Variants in PTPRR observed in about 807,000 individuals in gnomAD.
The protein encoded by PTPRR is receptor-type tyrosine-protein phosphatase R.
Under a neutral mutation model 77.2 loss-of-function variants are expected in PTPRR, and 38 were observed. The observed-to-expected ratio is 0.49, with a 90% confidence interval of 0.38 to 0.65. The LOEUF (loss-of-function observed/expected upper bound fraction) is 0.65. Among genes scored for constraint, PTPRR ranks in the 30% least tolerant of loss-of-function variants. The pLI, the probability that PTPRR is intolerant of heterozygous loss-of-function variation, is 0.00. For synonymous variants in PTPRR, 299 were observed against 283.1 expected, an observed-to-expected ratio of 1.06 and a Z score of -0.57; for missense variants, 744 against 799.2, an observed-to-expected ratio of 0.93 and a Z score of 0.83.
chr12:70,767,451 A>G (rs1592744801), intron 2 of PTPRR, among the ~76,000 whole-genome samples: 2 of 151,720 alleles, frequency 1.3e-5, no homozygotes, highest in Admixed American at 6.6e-5. Context: ...GATCAATTCA[A>G]CAAGAAGAGC....
chr12:70,642,253 G>C (rs1886031376), intron 13 of PTPRR, among the ~76,000 whole-genome samples: 1 of 152,040 alleles, frequency 6.6e-6, no homozygotes, highest in Admixed American at 6.6e-5. Flanking sequence ...TTTGAATGTG[G>C]ACATTATAGC....
chr12:70,796,585 T>C (rs1891518384), intron 2 of PTPRR, among the ~76,000 whole-genome samples: 1 of 152,206 alleles, frequency 6.6e-6, no homozygotes, highest in Non-Finnish European at 1.5e-5. Flanking sequence ...CAAAATGAAT[T>C]ACCAAGGTAG....
chr12:70,870,861 CAATATGTAAAGCAACATGAGCAGAG>C (rs1300271008), intron 2 of PTPRR, among the ~76,000 whole-genome samples: 1 of 152,114 alleles, frequency 6.6e-6, no homozygotes, highest in African/African-American at 2.4e-5. Flanking sequence ...TAATACTGTG[CAATATGTAAAGCAACATGAGCAGAG>C]AATATGTAAA....
rs760813956 is a variant in PTPRR at position 70,892,739 on chromosome 12, C to T, written c.297G>A (p.Met99Ile). The change falls in exon 2 of 14, where the codon ATG (methionine) becomes ATA (isoleucine). Residue 99 changes from methionine (M) to isoleucine (I), a missense_variant. Transcript: ENST00000283228. ...TTTCCACTTCAAGATCTTGACCATC[C>T]ATGGCCAGCAGATTGAGAGACGGGT... ...AYDPSLNLLA[M>I]DGQDLEVENL... is the part of the protein sequence containing the mutation. 9 of 1,613,268 alleles carry T rather than the reference C, an allele frequency of 5.6e-6. No homozygotes were observed. Among genetic ancestry groups the T allele is most frequent in the East Asian group, 2.2e-5 (1 of 44,874 alleles).
At chr12:70,679,789 T>C (rs1203314436) in intron 10 of PTPRR, among the ~76,000 whole-genome samples, 1 of 152,166 alleles carries the variant, frequency 6.6e-6, no homozygotes, top group African/African-American at 2.4e-5. Context: ...ACATGTGAAG[T>C]GAGTTTCTTA....
At chr12:70,899,780 T>C (rs886729459) in intron 1 of PTPRR, among the ~76,000 whole-genome samples, 1 of 151,354 alleles carries the variant, frequency 6.6e-6, no homozygotes, top group African/African-American at 2.4e-5. Flanking sequence ...ATTGTCTATA[T>C]AAAAAATCCC....
At chr12:70,846,481 G>A (rs539127691) in intron 2 of PTPRR, among the ~76,000 whole-genome samples, 41 of 152,240 alleles carry the variant, frequency 2.7e-4, no homozygotes, top group Admixed American at 2.0e-3. Context: ...AGAAGAAAGC[G>A]TATATAGGCA....
chr12:70,772,339 G>A (rs1890996462), intron 2 of PTPRR, among the ~76,000 whole-genome samples: 1 of 152,098 alleles, frequency 6.6e-6, no homozygotes, highest in Non-Finnish European at 1.5e-5. Context: ...CTATAGAGTA[G>A]GAACTCTTTA....
chr12:70,658,915 T>TTTTAA (rs1886689458), intron 12 of PTPRR, among the ~76,000 whole-genome samples: 1 of 124,652 alleles, frequency 8.0e-6, no homozygotes, highest in Admixed American at 7.9e-5. Context: ...TTTTTTTTTT[T>TTTTAA]ATAAGACAGA....
At chr12:70,756,293 T>G (rs1890562178) in intron 4 of PTPRR, among the ~76,000 whole-genome samples, 1 of 152,042 alleles carries the variant, frequency 6.6e-6, no homozygotes, top group Non-Finnish European at 1.5e-5. Flanking sequence ...AGACACGTTT[T>G]AAACTCCTAG....
intron 2 of PTPRR, among the ~76,000 whole-genome samples, chr12:70,809,213 C>T (rs1475435823): frequency 6.6e-6 from 1 of 152,130 alleles, no homozygotes; most frequent in East Asian, 1.9e-4. Flanking sequence ...TTTCCCCTTC[C>T]TTCCTTAAAC....
chr12:70,686,842 G>A (rs1887888499), intron 8 of PTPRR, among the ~76,000 whole-genome samples: 1 of 152,084 alleles, frequency 6.6e-6, no homozygotes, highest in African/African-American at 2.4e-5. Flanking sequence ...ACTCAACTAA[G>A]CCACTCCCCA....
At chr12:70,781,509 G>A (rs764802062) in intron 2 of PTPRR, among the ~76,000 whole-genome samples, 4 of 152,220 alleles carry the variant, frequency 2.6e-5, no homozygotes, top group Non-Finnish European at 4.4e-5. Flanking sequence ...GATCCTCACT[G>A]CAACTCACAT....
chr12:70,783,887 G>T (rs1359031257), intron 2 of PTPRR, among the ~76,000 whole-genome samples: 1 of 130,260 alleles, frequency 7.7e-6, no homozygotes, highest in African/African-American at 3.1e-5. Flanking sequence ...GGGGGGCGGG[G>T]GTTGGCACGT....
chr12:70,725,467 T>C (rs1199759986), intron 6 of PTPRR, among the ~76,000 whole-genome samples: 2 of 152,136 alleles, frequency 1.3e-5, no homozygotes, highest in African/African-American at 4.8e-5. Context: ...GAAAAGCAGC[T>C]ATATTTTAGC....
intron 10 of PTPRR, among the ~76,000 whole-genome samples, chr12:70,682,483 T>C (rs1887711344): frequency 6.6e-6 from 1 of 152,194 alleles, no homozygotes. Context: ...AATTTTCTGG[T>C]TTTATGCCTT....
At chr12:70,874,705 C>G (rs878915754) in intron 2 of PTPRR, among the ~76,000 whole-genome samples, 1 of 151,984 alleles carries the variant, frequency 6.6e-6, no homozygotes, top group Non-Finnish European at 1.5e-5. Flanking sequence ...GGGTGGATCA[C>G]GAGGTCAAGA....
intron 10 of PTPRR, among the ~76,000 whole-genome samples, chr12:70,668,596 A>G (rs553095933): frequency 6.6e-6 from 1 of 152,168 alleles, no homozygotes; most frequent in Non-Finnish European, 1.5e-5. Context: ...GGCACACTTA[A>G]CATTTTCTTA....
chr12:70,918,119 A>G (rs956720845), intron 1 of PTPRR, among the ~76,000 whole-genome samples: 8 of 152,244 alleles, frequency 5.3e-5, no homozygotes, highest in Non-Finnish European at 1.2e-4. Context: ...CCAAATGTAT[A>G]GAAGCTTAGA....
Sources: allele counts gnomAD v4.1 joint callset (sites outside exome capture counted in the v4.1 genomes callset), GRCh38; gene constraint gnomAD v4.1.1; transcripts MANE v1.5; gene names NCBI Gene and HGNC (gene_info 2026-07-23, HGNC 2026-07-21).